TRIO: variants seen among roughly 807,000 people sequenced by gnomAD.
TRIO encodes the protein trio Rho guanine nucleotide exchange factor.
TRIO carries 58 observed loss-of-function variants against 351.9 expected under a neutral mutation model. That is an observed-to-expected ratio of 0.16 (90% confidence interval 0.13 to 0.21). The LOEUF (loss-of-function observed/expected upper bound fraction) is 0.21, where lower values mean the gene tolerates loss of function less well. Among genes scored for constraint, TRIO ranks in the 10% least tolerant of loss-of-function variants. The probability of loss-of-function intolerance (pLI) is 1.00; values close to 1 mark genes in which losing one functional copy is unlikely to be tolerated. For synonymous variants in TRIO, 1,758 were observed against 1,595.7 expected, an observed-to-expected ratio of 1.10 and a Z score of -2.42; for missense variants, 3,201 against 4,027.8, an observed-to-expected ratio of 0.79 and a Z score of 5.56.
intron 26 of TRIO, 58 bp from the exon 27 acceptor site, chr5:14,390,843 T>G: frequency 6.9e-7 from 1 of 1,445,536 alleles, no homozygotes; most frequent in Non-Finnish European, 9.4e-7. Context: ...TATATGAAAG[T>G]TTATCATGCG....
chr5:14,504,751 C>A, intron 55 of TRIO, 158 bp downstream of exon 55: 1 of 900,882 alleles, frequency 1.1e-6, no homozygotes, highest in Non-Finnish European at 1.7e-6. Context: ...GTTTTCAAGC[C>A]TTCCAGTAAT....
At chr5:14,381,061 T>A in intron 20 of TRIO, 69 bp from the exon 21 acceptor site, 1 of 1,529,664 alleles carries the variant, frequency 6.5e-7, no homozygotes, top group Non-Finnish European at 8.8e-7. Flanking sequence ...TTAAATGAGG[T>A]GCTCGGGGCT....
chr5:14,410,404 T>G (rs1331280606), intron 33 of TRIO, among the ~76,000 whole-genome samples: 1 of 152,226 alleles, frequency 6.6e-6, no homozygotes, highest in Admixed American at 6.5e-5. Context: ...GACTCCATCC[T>G]TTCCCTAGTC....
chr5:14,509,042 A>C lies in TRIO; in HGVS notation c.*620A>C, dbSNP rs970142314. The C allele has an allele frequency of 5.3e-6, 1 of 188,380 alleles. No homozygotes were observed. 11.7% of individuals were successfully genotyped at this position (188,380 alleles called of 1,614,324 possible). A position where few individuals can be genotyped will look rare whatever the true frequency, so the allele number is the denominator to read the frequency against. ...AGACTGTTCCTGCCTTCGGTCTGTC[A>C]TTTTCCCACCTGCCTCCCCTACCCA... On this transcript the variant is annotated 3_prime_UTR_variant, in exon 57 of 57. Coordinates refer to ENST00000344204, the MANE Select transcript of TRIO (RefSeq NM_007118.4).
chr5:14,459,706 C>G (rs993614948), intron 34 of TRIO, among the ~76,000 whole-genome samples: 3 of 152,080 alleles, frequency 2.0e-5, no homozygotes, highest in South Asian at 2.1e-4. Context: ...CCACAGCACT[C>G]CAGCCTGGGT....
chr5:14,410,708 CA>C (rs1309743834), intron 33 of TRIO, among the ~76,000 whole-genome samples: 1 of 152,090 alleles, frequency 6.6e-6, no homozygotes, highest in Non-Finnish European at 1.5e-5. Context: ...ATTCTGAAGG[CA>C]AAAGTTATCT....
rs1561549124 is a variant in TRIO at position 14,487,985 on chromosome 5, GC to G, written c.7359del (p.Ala2454LeufsTer4). 3.2e-6 allele frequency: 5 copies of G among 1,557,764 alleles called. No individual in the cohort carries two copies. The highest frequency in any genetic ancestry group is 1.9e-5 in the Admixed American group (1 of 52,784). On this transcript the variant is annotated frameshift_variant, in exon 48 of 57. Coordinates refer to ENST00000344204, the MANE Select transcript of TRIO (RefSeq NM_007118.4). LOFTEE classifies it high-confidence loss of function. Reference sequence around the variant, plus strand: ...GCCGCTTGGGAAGCCCCGGGCCGGGGCCGCTTCGCCGCTGAACTCGCCGCTC... The same window carrying G: ...GCCGCTTGGGAAGCCCCGGGCCGGGGCGCTTCGCCGCTGAACTCGCCGCTC... ...TLPLGKPRAG[A>X]ASPLNSPLSS...
At chr5:14,398,776 C>T (rs936782276) in intron 29 of TRIO, 104 bp from the exon 30 acceptor site, 15 of 1,127,114 alleles carry the variant, frequency 1.3e-5, no homozygotes, top group African/African-American at 5.1e-5. Flanking sequence ...TAGGGTTGGC[C>T]GATGGGCATT....
At chr5:14,458,136 G>A (rs529976294) in intron 34 of TRIO, among the ~76,000 whole-genome samples, 7 of 150,078 alleles carry the variant, frequency 4.7e-5, no homozygotes, top group Non-Finnish European at 1.0e-4. Flanking sequence ...GCTGTCTCCC[G>A]ACCTCCCCAC....
intron 9 of TRIO, among the ~76,000 whole-genome samples, chr5:14,321,383 CT>C (rs1386044246): frequency 1.4e-4 from 21 of 152,360 alleles, no homozygotes; most frequent in African/African-American, 5.0e-4. Flanking sequence ...TTTTGGGCCC[CT>C]GTTGAAGGAG....
At chr5:14,411,467 G>A (rs575760337) in intron 33 of TRIO, among the ~76,000 whole-genome samples, 2 of 152,304 alleles carry the variant, frequency 1.3e-5, no homozygotes, top group South Asian at 4.1e-4. Context: ...GCTGTCTTTC[G>A]AATCTTAAGC....
chr5:14,303,136 G>A (rs35075514), intron 7 of TRIO, among the ~76,000 whole-genome samples: 4 of 141,890 alleles, frequency 2.8e-5, no homozygotes, highest in African/African-American at 5.2e-5. Flanking sequence ...CTGGAGATGG[G>A]GGGTGTCAGT....
intron 34 of TRIO, among the ~76,000 whole-genome samples, chr5:14,448,070 C>T (rs1419664479): frequency 1.3e-5 from 2 of 152,210 alleles, no homozygotes; most frequent in African/African-American, 2.4e-5. Context: ...TTCGGTATCC[C>T]TCAGTCAGCA....
intron 34 of TRIO, among the ~76,000 whole-genome samples, chr5:14,421,103 C>A (rs1364306188): frequency 6.6e-6 from 1 of 152,056 alleles, no homozygotes; most frequent in Non-Finnish European, 1.5e-5. Flanking sequence ...CCTCTAATGC[C>A]CTATTTTTAC....
intron 1 of TRIO, among the ~76,000 whole-genome samples, chr5:14,262,916 G>A (rs148840524): frequency 1.3e-5 from 2 of 152,206 alleles, no homozygotes; most frequent in African/African-American, 4.8e-5. Flanking sequence ...GTGATGGACA[G>A]TTTCCTACCT....
At chr5:14,399,093 G>T in intron 30 of TRIO, 23 bp downstream of exon 30, 1 of 1,606,162 alleles carries the variant, frequency 6.2e-7, no homozygotes, top group Non-Finnish European at 8.5e-7. Context: ...GTTCAGAATT[G>T]TAAGTCTAAA....
At chr5:14,493,237 A>G (rs1756623832) in intron 49 of TRIO, among the ~76,000 whole-genome samples, 1 of 152,044 alleles carries the variant, frequency 6.6e-6, no homozygotes, top group Admixed American at 6.6e-5. Flanking sequence ...GCGTGCGGAG[A>G]TGTTGGCATA....
intron 7 of TRIO, 49 bp from the exon 8 acceptor site, chr5:14,304,411 CT>C: frequency 6.4e-7 from 1 of 1,564,188 alleles, no homozygotes; most frequent in South Asian, 1.2e-5. Flanking sequence ...ATGTCCACTT[CT>C]CAATATAAAT....
At chr5:14,427,476 G>A (rs1462548960) in intron 34 of TRIO, among the ~76,000 whole-genome samples, 1 of 152,138 alleles carries the variant, frequency 6.6e-6, no homozygotes, top group Non-Finnish European at 1.5e-5. Context: ...CAGCACGGGG[G>A]ATACGCCGGT....
Sources: allele counts gnomAD v4.1 joint callset (sites outside exome capture counted in the v4.1 genomes callset), GRCh38; gene constraint gnomAD v4.1.1; transcripts MANE v1.5; gene names NCBI Gene and HGNC (gene_info 2026-07-23, HGNC 2026-07-21).